Variants in GRM5 observed in about 807,000 individuals in gnomAD.
GRM5 encodes the protein metabotropic glutamate receptor 5.
In GRM5, 19 loss-of-function variants were observed where a neutral mutation model predicts 83.1. The ratio of observed to expected loss-of-function variants is 0.23; its 90% CI spans 0.16 to 0.34. The LOEUF (loss-of-function observed/expected upper bound fraction) is 0.34. GRM5 is among the 10% of genes least tolerant of loss of function. The pLI is 1.00. For synonymous variants in GRM5, 675 were observed against 633.6 expected, an observed-to-expected ratio of 1.07 and a Z score of -0.98; for missense variants, 1,160 against 1,588.3, an observed-to-expected ratio of 0.73 and a Z score of 4.58.
At chr11:88,896,370 A>G (rs1375069845) in intron 2 of GRM5, among the ~76,000 whole-genome samples, 2 of 151,970 alleles carry the variant, frequency 1.3e-5, no homozygotes, top group African/African-American at 4.8e-5. Flanking sequence ...AGAAAGGGAT[A>G]CGAAAAAAAG....
chr11:88,541,402 C>T (rs963333404), intron 8 of GRM5, among the ~76,000 whole-genome samples: 5 of 152,148 alleles, frequency 3.3e-5, no homozygotes, highest in African/African-American at 1.2e-4. Context: ...GTAGTATCAT[C>T]TGTATACATA....
chr11:88,620,864 C>T (rs1384314291), intron 4 of GRM5, among the ~76,000 whole-genome samples: 1 of 152,134 alleles, frequency 6.6e-6, no homozygotes, highest in Non-Finnish European at 1.5e-5. Flanking sequence ...GGCAGTTGAC[C>T]TCTGAATGCT....
chr11:88,967,652 C>T (rs1224507831), intron 2 of GRM5, among the ~76,000 whole-genome samples: 1 of 152,058 alleles, frequency 6.6e-6, no homozygotes, highest in Non-Finnish European at 1.5e-5. Context: ...TCCTACCTAT[C>T]AACACTCTTT....
intron 3 of GRM5, among the ~76,000 whole-genome samples, chr11:88,809,427 T>G (rs1943551828): frequency 6.6e-6 from 1 of 152,068 alleles, no homozygotes. Context: ...GTGTAGAGGT[T>G]ATATAGATTC....
chr11:88,716,191 G>C (rs1171980245), intron 3 of GRM5, among the ~76,000 whole-genome samples: 1 of 151,964 alleles, frequency 6.6e-6, no homozygotes, highest in African/African-American at 2.4e-5. Flanking sequence ...AAATGGTTCA[G>C]GCCAGATGTA....
intron 7 of GRM5, among the ~76,000 whole-genome samples, chr11:88,578,026 C>T (rs1213889338): frequency 6.6e-6 from 1 of 152,058 alleles, no homozygotes; most frequent in Non-Finnish European, 1.5e-5. Flanking sequence ...AACGGTGTGA[C>T]TCAACATCTG....
intron 2 of GRM5, among the ~76,000 whole-genome samples, chr11:88,942,949 A>T (rs1938162297): frequency 6.6e-6 from 1 of 152,070 alleles, no homozygotes; most frequent in South Asian, 2.1e-4. Flanking sequence ...AACATCTATC[A>T]AGCAAGCAAC....
intron 8 of GRM5, among the ~76,000 whole-genome samples, chr11:88,544,291 T>C (rs950726374): frequency 6.6e-6 from 1 of 152,210 alleles, no homozygotes; most frequent in Admixed American, 6.5e-5. Context: ...TTATTATGAT[T>C]GCTTGGGTCA....
chr11:88,892,752 A>T (rs187209164), intron 2 of GRM5, among the ~76,000 whole-genome samples: 134 of 152,112 alleles, frequency 8.8e-4, no homozygotes, highest in Admixed American at 2.6e-3. Context: ...TCTGTGAATC[A>T]AGTGGTGATC....
At chr11:88,648,867 C>T (rs903268766) in intron 4 of GRM5, among the ~76,000 whole-genome samples, 8 of 150,172 alleles carry the variant, frequency 5.3e-5, no homozygotes, top group African/African-American at 7.4e-5. Context: ...GGCTTAACAG[C>T]GGTGTAATTG....
At chr11:88,851,939 C>T (rs535860316) in intron 2 of GRM5, among the ~76,000 whole-genome samples, 105 of 152,244 alleles carry the variant, frequency 6.9e-4, no homozygotes, top group African/African-American at 2.4e-3. Context: ...TGCCAAAGGG[C>T]CTAAATTACC....
intron 2 of GRM5, among the ~76,000 whole-genome samples, chr11:88,923,305 T>C (rs1169263511): frequency 1.3e-5 from 2 of 152,144 alleles, no homozygotes; most frequent in African/African-American, 4.8e-5. Flanking sequence ...AACCGAAGTG[T>C]TCATCAGTAG....
intron 3 of GRM5, among the ~76,000 whole-genome samples, chr11:88,761,876 AG>A (rs1942525025): frequency 6.6e-6 from 1 of 152,054 alleles, no homozygotes; most frequent in South Asian, 2.1e-4. Context: ...AACATAATAG[AG>A]GACCCAGAAA....
intron 2 of GRM5, among the ~76,000 whole-genome samples, chr11:88,890,886 A>G (rs1211785041): frequency 6.6e-6 from 1 of 152,138 alleles, no homozygotes. Context: ...ACAGTTTTAA[A>G]GGCAAGGTGT....
rs963317404 is a variant in GRM5, at chr11:88,512,468, T to C, written c.2727-2964A>G. 3 of 154,286 alleles carry C rather than the reference T, an allele frequency of 1.9e-5. No individual in the cohort carries two copies. The South Asian group carries it at 6.1e-4, about 31-fold the overall frequency. 9.6% of individuals were successfully genotyped at this position (154,286 alleles called of 1,614,324 possible). ...CTCACGACATTATTCTGTTTATTAG[T>C]AGAAAGTACATTCTATGAAGACACA... On this transcript the variant is annotated intron_variant, in intron 9 of 9. Coordinates refer to ENST00000305447, the MANE Select transcript of GRM5 (RefSeq NM_001143831.3).
At chr11:89,018,193 G>T (rs1940904294) in intron 2 of GRM5, among the ~76,000 whole-genome samples, 1 of 152,138 alleles carries the variant, frequency 6.6e-6, no homozygotes, top group African/African-American at 2.4e-5. Context: ...TTTAGTGAAT[G>T]AAGCTCACAT....
chr11:88,597,539 G>A (rs1937850345), intron 5 of GRM5, among the ~76,000 whole-genome samples, 187 bp from the exon 6 acceptor site: 2 of 152,002 alleles, frequency 1.3e-5, no homozygotes, highest in African/African-American at 4.8e-5. Context: ...GACCATTTTT[G>A]TACTTTCAAG....
At chr11:89,057,143 A>G (rs1252000731) in intron 1 of GRM5, among the ~76,000 whole-genome samples, 2 of 152,204 alleles carry the variant, frequency 1.3e-5, no homozygotes, top group Non-Finnish European at 2.9e-5. Flanking sequence ...CAAATCACAC[A>G]GCTCAGGACA....
intron 1 of GRM5, among the ~76,000 whole-genome samples, chr11:89,059,991 C>G (rs1226636446): frequency 6.6e-6 from 1 of 152,060 alleles, no homozygotes; most frequent in East Asian, 1.9e-4. Context: ...ATTTAAGTAA[C>G]TTGCCTAAGG....
Sources: allele counts gnomAD v4.1 joint callset (sites outside exome capture counted in the v4.1 genomes callset), GRCh38; gene constraint gnomAD v4.1.1; transcripts MANE v1.5; gene names NCBI Gene and HGNC (gene_info 2026-07-23, HGNC 2026-07-21).